CAPN5: variants seen among roughly 807,000 people sequenced by gnomAD.
CAPN5 encodes calpain-5.
CAPN5 carries 54 observed loss-of-function variants against 73.0 expected under a neutral mutation model. The observed-to-expected ratio is 0.74, with a 90% CI of 0.59 to 0.93. The LOEUF (loss-of-function observed/expected upper bound fraction) is 0.93. Ranked by LOEUF, CAPN5 falls within the 40% of genes least tolerant of loss-of-function variation. The probability of loss-of-function intolerance (pLI) is 0.00; values close to 1 mark genes in which losing one functional copy is unlikely to be tolerated. For synonymous variants in CAPN5, 335 were observed against 356.9 expected (o/e 0.94, Z 0.69); for missense variants, 785 against 882.9 (o/e 0.89, Z 1.41).
intron 1 of CAPN5, among the ~76,000 whole-genome samples, chr11:77,069,641 A>AC (rs1380450426): frequency 6.6e-6 from 1 of 150,810 alleles, no homozygotes; most frequent in Non-Finnish European, 1.5e-5. Context: ...GGTCTGCAAC[A>AC]CCCCCCACCC....
intron 2 of CAPN5, 82 bp from the exon 3 acceptor site, chr11:77,093,592 CTGTCACGT>C (rs1950175206): frequency 1.6e-5 from 12 of 762,288 alleles, no homozygotes; most frequent in East Asian, 3.4e-5. Flanking sequence ...AAGTCTGTGT[CTGTCACGT>C]CTGTGTCTGT....
At chr11:77,116,606 C>T (rs1186846187) in intron 7 of CAPN5, among the ~76,000 whole-genome samples, 1 of 152,134 alleles carries the variant, frequency 6.6e-6, no homozygotes, top group East Asian at 1.9e-4. Flanking sequence ...AGAGGTGGGC[C>T]CACCAGGATC....
intron 1 of CAPN5, chr11:77,071,749 G>C: frequency 2.4e-6 from 1 of 416,240 alleles, no homozygotes; most frequent in South Asian, 1.6e-5. Context: ...CCTGGGTATG[G>C]GGAGCAGGCG....
At chr11:77,086,567 A>T (rs1425718225) in intron 2 of CAPN5, among the ~76,000 whole-genome samples, 11 of 152,156 alleles carry the variant, frequency 7.2e-5, no homozygotes, top group African/African-American at 2.7e-4. Context: ...TGGCCACAAG[A>T]GTTCTGCCTC....
intron 1 of CAPN5, chr11:77,071,524 G>A (rs1949906619): frequency 2.4e-6 from 1 of 410,584 alleles, no homozygotes; most frequent in Non-Finnish European, 5.2e-6. Flanking sequence ...AGAATACCAA[G>A]GCCTATTACG....
At chr11:77,106,990 G>C (rs529380594) in intron 3 of CAPN5, among the ~76,000 whole-genome samples, 7 of 152,332 alleles carry the variant, frequency 4.6e-5, no homozygotes, top group South Asian at 4.1e-4. Flanking sequence ...CTGGAGGCCC[G>C]GGGGAAGGGG....
At chr11:77,089,339 C>T (rs985693290) in intron 2 of CAPN5, among the ~76,000 whole-genome samples, 23 of 152,262 alleles carry the variant, frequency 1.5e-4, no homozygotes, top group Non-Finnish European at 2.6e-4. Context: ...CTCCAGGCAG[C>T]CTCCTCTGTT....
At chr11:77,078,759 G>A (rs1171659462) in intron 1 of CAPN5, among the ~76,000 whole-genome samples, 3 of 145,702 alleles carry the variant, frequency 2.1e-5, no homozygotes, top group Non-Finnish European at 4.6e-5. Context: ...TCTTTCATCA[G>A]TGTTTCATAG....
In CAPN5 at chr11:77,085,066, C is replaced by T. The variant is rs375687745; in HGVS notation, c.165+15C>T. The T allele has an allele frequency of 2.5e-6, 4 of 1,611,286 alleles. No homozygotes were observed. The highest frequency in any genetic ancestry group is 3.4e-6 in the Non-Finnish European group (4 of 1,179,452). On this transcript the variant is annotated intron_variant, in intron 2 of 12. Coordinates refer to ENST00000648180, the MANE Select transcript of CAPN5 (RefSeq NM_004055.5). Reference sequence around the variant, plus strand: ...AGCGACCCAAGGTCAGTGTCTGGTCCCAGCTGGAGCTGGGTGAGCGGGCCC... The same window carrying T: ...AGCGACCCAAGGTCAGTGTCTGGTCTCAGCTGGAGCTGGGTGAGCGGGCCC...
chr11:77,118,098 G>A, intron 7 of CAPN5, 59 bp from the exon 8 acceptor site: 2 of 1,494,908 alleles, frequency 1.3e-6, no homozygotes, highest in Non-Finnish European at 9.2e-7. Flanking sequence ...TGGGCTGGGG[G>A]GCCAAGAGCC....
chr11:77,103,104 C>A, intron 3 of CAPN5: 1 of 1,613,886 alleles, frequency 6.2e-7, no homozygotes, highest in Non-Finnish European at 8.5e-7. Context: ...GAACTGGACG[C>A]CTGACCTCAC....
At chr11:77,120,446 A>C (rs1950510418) in intron 9 of CAPN5, 1 of 401,910 alleles carries the variant, frequency 2.5e-6, no homozygotes, top group Admixed American at 4.3e-5. Context: ...GAGTTTATGC[A>C]ACCATCACCA....
chr11:77,100,476 C>T (rs1371932650), intron 3 of CAPN5, among the ~76,000 whole-genome samples: 5 of 152,184 alleles, frequency 3.3e-5, no homozygotes, highest in Non-Finnish European at 7.3e-5. Flanking sequence ...CCACCTTCGG[C>T]CTCCAGAAGG....
intron 7 of CAPN5, among the ~76,000 whole-genome samples, chr11:77,116,875 CTG>C (rs368689719): frequency 4.6e-5 from 7 of 152,312 alleles, no homozygotes; most frequent in Non-Finnish European, 7.3e-5. Flanking sequence ...GAGAACACAG[CTG>C]TGTTTGAGAA....
At chr11:77,111,697 C>T (rs941780331) in intron 3 of CAPN5, among the ~76,000 whole-genome samples, 8 of 146,854 alleles carry the variant, frequency 5.4e-5, no homozygotes, top group African/African-American at 2.1e-4. Flanking sequence ...ATGGCCCTGC[C>T]CCCAGAGAAC....
chr11:77,099,802 T>G (rs534602079), intron 3 of CAPN5, among the ~76,000 whole-genome samples: 4 of 151,400 alleles, frequency 2.6e-5, no homozygotes, highest in Non-Finnish European at 4.4e-5. Flanking sequence ...TTCCTTCTAG[T>G]TTTTTTTCCA....
chr11:77,123,361 G>A (rs1211510015), intron 12 of CAPN5, among the ~76,000 whole-genome samples: 1 of 152,170 alleles, frequency 6.6e-6, no homozygotes, highest in Non-Finnish European at 1.5e-5. Flanking sequence ...GACCCCTAGG[G>A]GCAGCTGACT....
In CAPN5 at chr11:77,081,115, A is replaced by G. The variant is rs188546865; in HGVS notation, c.-35-3737A>G. 5.9e-5 allele frequency among the ~76,000 whole-genome samples: 9 copies of G among 152,320 alleles called. No individual in the cohort carries two copies. The East Asian group carries it at 1.2e-3, about 20-fold the overall frequency. The stretch of plus-strand genomic sequence containing the variant: ...AGCCATTTTGTAGATGGGAACATCA[A>G]TGAGCTTGTCCAGAGTCTGCAGCCT... On this transcript the variant is annotated intron_variant, in intron 1 of 12. Transcript: ENST00000648180.
At chr11:77,073,149 A>C (rs1278936662) in intron 1 of CAPN5, 2 of 1,281,590 alleles carry the variant, frequency 1.6e-6, no homozygotes, top group African/African-American at 3.0e-5. Flanking sequence ...TAGGGTGGCC[A>C]CCGCACTGGG....
Sources: gnomAD v4.1 joint callset for allele counts (sites outside exome capture counted in the v4.1 genomes callset) on GRCh38, gnomAD v4.1.1 for gene constraint, MANE v1.5 for transcripts, NCBI Gene and HGNC (gene_info 2026-07-23, HGNC 2026-07-21) for gene names.